Variants in ATP6V1E1 observed in about 807,000 individuals in gnomAD.
The protein encoded by ATP6V1E1 is V-type proton ATPase subunit E 1.
A neutral mutation model predicts 35.2 loss-of-function variants in ATP6V1E1; 21 were observed. The observed-to-expected ratio is 0.60, with a 90% CI of 0.42 to 0.86. The LOEUF (loss-of-function observed/expected upper bound fraction) is 0.86, where lower values mean the gene tolerates loss of function less well. Ranked by LOEUF, ATP6V1E1 falls within the 40% of genes least tolerant of loss-of-function variation. The pLI is 0.00. For missense variants in ATP6V1E1, 183 were observed against 272.6 expected, an observed-to-expected ratio of 0.67 and a Z score of 2.32; for synonymous variants, 83 against 87.8, an observed-to-expected ratio of 0.95 and a Z score of 0.30.
At chr22:17,599,545 C>A (rs561561504) in intron 6 of ATP6V1E1, among the ~76,000 whole-genome samples, 1 of 142,392 alleles carries the variant, frequency 7.0e-6, no homozygotes, top group South Asian at 2.2e-4. Flanking sequence ...CCATTGCACT[C>A]CAGCCTGGGA....
chr22:17,621,055 C>CTT (rs2146316112), intron 1 of ATP6V1E1, among the ~76,000 whole-genome samples: 1 of 151,876 alleles, frequency 6.6e-6, no homozygotes, highest in African/African-American at 2.4e-5. Flanking sequence ...GAGCGAGACT[C>CTT]TGTCTCAAAA....
intron 4 of ATP6V1E1, among the ~76,000 whole-genome samples, chr22:17,605,321 G>A (rs781331255): frequency 1.0e-4 from 15 of 149,090 alleles, no homozygotes; most frequent in African/African-American, 2.0e-4. Flanking sequence ...ACCTGAGGTC[G>A]GGAGTTTGAG....
At chr22:17,604,228 G>A (rs5747260) in intron 4 of ATP6V1E1, among the ~76,000 whole-genome samples, 52,866 of 151,962 alleles carry the variant, frequency 0.35, 9,530 homozygotes, top group African/African-American at 0.41. Context: ...ACCCTCTGGT[G>A]TGACTCTAAC....
intron 4 of ATP6V1E1, among the ~76,000 whole-genome samples, chr22:17,607,300 G>C (rs967872266): frequency 3.3e-5 from 5 of 152,002 alleles, no homozygotes; most frequent in Non-Finnish European, 7.4e-5. Context: ...TGGGATTACA[G>C]GCACCCCCCA....
intron 2 of ATP6V1E1, among the ~76,000 whole-genome samples, chr22:17,618,119 CT>C (rs1233374632): frequency 2.0e-5 from 3 of 152,106 alleles, no homozygotes. Context: ...CCAAACTTTA[CT>C]TTTTTGCAAT....
At chr22:17,626,333 G>GAAAA (rs973247427) in intron 1 of ATP6V1E1, among the ~76,000 whole-genome samples, 6 of 134,596 alleles carry the variant, frequency 4.5e-5, no homozygotes, top group Admixed American at 7.4e-5. Context: ...AAAAAAGAAA[G>GAAAA]AAAAGAAAAA....
At chr22:17,618,681 CAAAAAAAA>C (rs796136446) in intron 2 of ATP6V1E1, among the ~76,000 whole-genome samples, 27,345 of 73,070 alleles carry the variant, frequency 0.37, 3,170 homozygotes, top group African/African-American at 0.48. Context: ...GACTCCATCT[CAAAAAAAA>C]AAAAAAAAAA....
intron 1 of ATP6V1E1, among the ~76,000 whole-genome samples, chr22:17,625,858 A>G (rs2057901500): frequency 6.7e-6 from 1 of 150,188 alleles, no homozygotes; most frequent in Non-Finnish European, 1.5e-5. Flanking sequence ...ACTTGAAGGT[A>G]TGGCACTTAA....
intron 1 of ATP6V1E1, among the ~76,000 whole-genome samples, chr22:17,625,472 G>GTCTCAAACTCCCAACCTCAGGTGA (rs571058605): frequency 0.11 from 17,098 of 149,422 alleles, 1,481 homozygotes; most frequent in Non-Finnish European, 0.17. Context: ...GGTCAGGCTG[G>GTCTCAAACTCCCAACCTCAGGTGA]TCTCAAACTC....
chr22:17,628,547 A>C (rs1285687230), intron 1 of ATP6V1E1, 56 bp downstream of exon 1: 1 of 1,612,708 alleles, frequency 6.2e-7, no homozygotes, highest in African/African-American at 1.3e-5. Flanking sequence ...GGCGGGCTCC[A>C]GCCCACTCCC....
chr22:17,592,569 T>A lies in ATP6V1E1; in HGVS notation c.*105A>T. On this transcript the variant is annotated 3_prime_UTR_variant, in exon 9 of 9. Transcript: ENST00000253413. ...ATCGCTGATAAATACAGAGCAATAC[T>A]GGGGCAGTGAAGAGGAAGCTACAGA... is the stretch of plus-strand genomic sequence containing the variant. 1 of 1,174,256 alleles carries A rather than the reference T, an allele frequency of 8.5e-7. No homozygotes were observed. The allele number at this position is 1,174,256 out of a possible 1,614,324, so 72.7% of individuals were successfully genotyped here.
intron 5 of ATP6V1E1, chr22:17,600,581 C>T (rs2057757481): frequency 6.5e-6 from 1 of 154,570 alleles, no homozygotes; most frequent in Non-Finnish European, 1.4e-5. Flanking sequence ...TCTATCTATC[C>T]CAAACCAGAT....
At chr22:17,619,910 A>G (rs999103911) in intron 1 of ATP6V1E1, among the ~76,000 whole-genome samples, 1 of 152,184 alleles carries the variant, frequency 6.6e-6, no homozygotes, top group African/African-American at 2.4e-5. Flanking sequence ...AACTTGGAAT[A>G]CAAGTTAGCC....
intron 8 of ATP6V1E1, 62 bp from the exon 9 acceptor site, chr22:17,592,798 ATCT>A (rs2057710523): frequency 1.7e-5 from 20 of 1,158,558 alleles, no homozygotes; most frequent in Non-Finnish European, 2.2e-5. Context: ...AGCGCTGCAC[ATCT>A]TTTTTTTTTT....
At chr22:17,604,749 C>G (rs1209358604) in intron 4 of ATP6V1E1, among the ~76,000 whole-genome samples, 1 of 151,958 alleles carries the variant, frequency 6.6e-6, no homozygotes, top group African/African-American at 2.4e-5. Context: ...GAACCCCGGA[C>G]CTCATGATCC....
intron 1 of ATP6V1E1, among the ~76,000 whole-genome samples, chr22:17,620,853 G>A (rs1482368022): frequency 6.6e-6 from 1 of 152,086 alleles, no homozygotes; most frequent in East Asian, 1.9e-4. Flanking sequence ...CACGAGGTCA[G>A]GAGATCCAGA....
intron 8 of ATP6V1E1, among the ~76,000 whole-genome samples, chr22:17,593,148 A>T (rs1601366477): frequency 6.6e-6 from 1 of 151,974 alleles, no homozygotes; most frequent in Non-Finnish European, 1.5e-5. Flanking sequence ...GCTGGGAAGG[A>T]CTCACAAAGC....
Position 17,617,027 on chromosome 22 carries a change from G to A in ATP6V1E1, c.99+2434C>T, listed in dbSNP as rs368206729. 2.2e-4 allele frequency among the ~76,000 whole-genome samples: 13 copies of A among 59,940 alleles called. 2 individuals carry two copies. Among genetic ancestry groups the A allele is most frequent in the African/African-American group, 9.1e-4 (12 of 13,152 alleles). The allele number at this position is 59,940 out of a possible 152,430, so 39.3% of individuals were successfully genotyped here. ...CCCGCCACTGCACTCCAGCCTGGGC[G>A]ACAGAGCGAGACTCCGTCTCAAAAA... On this transcript the variant is annotated intron_variant, in intron 2 of 8. Coordinates refer to ENST00000253413, the MANE Select transcript of ATP6V1E1 (RefSeq NM_001696.4).
At position 17,614,898 on chromosome 22, in the gene ATP6V1E1, G is replaced by A. The variant is rs147032004; in HGVS notation, c.100-1578C>T. 1.3e-4 allele frequency among the ~76,000 whole-genome samples: 19 copies of A among 151,676 alleles called. No individual in the cohort carries two copies. In the East Asian group the frequency reaches 3.7e-3, roughly 29 times the overall value. On this transcript the variant is annotated intron_variant, in intron 2 of 8. Transcript: ENST00000253413. ...GCAGGAGAATGGCATGAACCCGGGA[G>A]GCGGAACTTGCAGTGAACCGAGATC...
Sources: allele counts gnomAD v4.1 joint callset (sites outside exome capture counted in the v4.1 genomes callset), GRCh38; gene constraint gnomAD v4.1.1; transcripts MANE v1.5; gene names NCBI Gene and HGNC (gene_info 2026-07-23, HGNC 2026-07-21).